KCNN2: variants seen among roughly 807,000 people sequenced by gnomAD.
KCNN2 encodes small conductance calcium-activated potassium channel protein 2.
In KCNN2, 24 loss-of-function variants were observed where a neutral mutation model predicts 55.5. The ratio of observed to expected loss-of-function variants is 0.43; its 90% confidence interval spans 0.31 to 0.61. The LOEUF (loss-of-function observed/expected upper bound fraction) is 0.61. Among genes scored for constraint, KCNN2 ranks in the 20% least tolerant of loss-of-function variants. The probability of loss-of-function intolerance (pLI) is 0.08; values close to 1 mark genes in which losing one functional copy is unlikely to be tolerated. For synonymous variants in KCNN2, 431 were observed against 336.1 expected (o/e 1.28, Z -3.09); for missense variants, 754 against 853.6 (o/e 0.88, Z 1.45).
At chr5:114,291,951 G>C (rs1755898655) in intron 2 of KCNN2, among the ~76,000 whole-genome samples, 1 of 152,138 alleles carries the variant, frequency 6.6e-6, no homozygotes, top group Non-Finnish European at 1.5e-5. Context: ...GTGATGATGA[G>C]CATTTTTTCA....
At chr5:114,353,766 C>T in intron 2 of KCNN2, among the ~76,000 whole-genome samples, 1 of 151,982 alleles carries the variant, frequency 6.6e-6, no homozygotes, top group South Asian at 2.1e-4. Flanking sequence ...TACCATCCCA[C>T]TGCCTTCTGG....
chr5:114,471,012 G>A (rs572823151), intron 4 of KCNN2, among the ~76,000 whole-genome samples: 1 of 152,158 alleles, frequency 6.6e-6, no homozygotes, highest in African/African-American at 2.4e-5. Context: ...TACACAATAG[G>A]GACAATGTTG....
chr5:114,299,279 T>C (rs1252050153), intron 2 of KCNN2, among the ~76,000 whole-genome samples: 1 of 152,118 alleles, frequency 6.6e-6, no homozygotes, highest in Non-Finnish European at 1.5e-5. Context: ...GGGAGCAACT[T>C]AGGTCCGATG....
chr5:114,287,478 C>G (rs1445367852), intron 2 of KCNN2, among the ~76,000 whole-genome samples: 3 of 152,024 alleles, frequency 2.0e-5, no homozygotes, highest in Non-Finnish European at 4.4e-5. Context: ...AACCGTCATC[C>G]TCAGCAAACT....
At position 114,362,493 on chromosome 5, in the gene KCNN2, G is replaced by T. The variant is rs942248561; in HGVS notation, c.354G>T (p.Ser118=). The change falls in exon 1 of 8, where the codon TCG becomes TCT. Residue 118 remains serine, a synonymous_variant. Transcript: ENST00000673685. ...SGSSCCCCCC[S]SRRGSQLNVS... is the part of the protein sequence containing the mutation. ...CGTCCTGCTGCTGCTGCTGCTGCTCGTCGCGCCGGGGCAGCCAGCTCAATG... is the reference window on the plus strand; with the variant it reads ...CGTCCTGCTGCTGCTGCTGCTGCTCTTCGCGCCGGGGCAGCCAGCTCAATG... The T allele has an allele frequency of 7.5e-5, 34 of 456,292 alleles. No individual in the cohort carries two copies. The highest frequency in any genetic ancestry group is 3.9e-4 in the Admixed American group (9 of 23,154). 28.3% of individuals were successfully genotyped at this position (456,292 alleles called of 1,614,324 possible).
intron 2 of KCNN2, among the ~76,000 whole-genome samples, chr5:114,284,864 G>A (rs903777655): frequency 1.3e-5 from 2 of 152,056 alleles, no homozygotes; most frequent in African/African-American, 4.8e-5. Flanking sequence ...CTGTACGGGT[G>A]AAATCTTCCT....
intron 1 of KCNN2, among the ~76,000 whole-genome samples, chr5:114,206,861 G>T (rs777475544): frequency 6.6e-5 from 10 of 151,790 alleles, no homozygotes; most frequent in Non-Finnish European, 8.8e-5. Context: ...AGTTGCACCT[G>T]TGTTACTTCT....
At chr5:114,442,172 CTA>C (rs1306282681) in intron 3 of KCNN2, among the ~76,000 whole-genome samples, 1 of 151,798 alleles carries the variant, frequency 6.6e-6, no homozygotes, top group South Asian at 2.1e-4. Flanking sequence ...AAACCACAAT[CTA>C]GAGAGATTTC....
chr5:114,155,716 A>G (rs55765121), intron 1 of KCNN2, among the ~76,000 whole-genome samples: 19,058 of 152,104 alleles, frequency 0.13, 1,686 homozygotes, highest in East Asian at 0.52. Context: ...TCCTTTGCCC[A>G]CTTTTTAATG....
At chr5:114,395,590 A>G (rs1363744362) in intron 2 of KCNN2, among the ~76,000 whole-genome samples, 1 of 152,234 alleles carries the variant, frequency 6.6e-6, no homozygotes, top group Non-Finnish European at 1.5e-5. Flanking sequence ...TTAAGATTAT[A>G]TGGACTGTAA....
chr5:114,473,109 C>G lies in KCNN2; in HGVS notation c.1835C>G (p.Thr612Ser). 1.2e-6 allele frequency: 2 copies of G among 1,612,580 alleles called. No individual in the cohort carries two copies. Among genetic ancestry groups the G allele is most frequent in the Non-Finnish European group, 1.7e-6 (2 of 1,179,284 alleles). The change falls in exon 5 of 8, where the codon ACC becomes AGC. Residue 612 changes from threonine (T) to serine (S), a missense_variant. By Grantham distance (58) the Thr-to-Ser change is moderately conservative. Around this residue, in one of 4 missense-constraint regions of KCNN2, gnomAD observed 86 missense variants for 233.0 expected, o/e 0.37. Transcript: ENST00000673685. ...VAVVARKLEL[T>S]KAEKHVHNFM... ...GTAGTGGCAAGGAAGCTAGAACTTA[C>G]CAAAGCAGAAAAACACGTGCACAAT...
In KCNN2 at chr5:114,060,427, G is replaced by A. The variant is rs1019957802; in HGVS notation, c.-271+3927G>A. ...GTGCCTGGCACAGTGCCTGACATAC[G>A]GTGTGTGAGCAGCAATTGTGAAAGG... On this transcript the variant is annotated intron_variant, in intron 1 of 10. Transcript: ENST00000512097. 3.9e-5 allele frequency among the ~76,000 whole-genome samples: 6 copies of A among 152,192 alleles called. 1 individual carries two copies. The South Asian group carries it at 6.2e-4, about 16-fold the overall frequency.
intron 3 of KCNN2, among the ~76,000 whole-genome samples, chr5:114,424,635 G>T (rs1046030662): frequency 1.1e-4 from 16 of 152,190 alleles, no homozygotes; most frequent in African/African-American, 3.9e-4. Context: ...GCCAGGCACT[G>T]GAAACAGGAA....
intron 6 of KCNN2, among the ~76,000 whole-genome samples, chr5:114,490,399 A>G (rs899870101): frequency 1.3e-5 from 2 of 152,198 alleles, no homozygotes; most frequent in East Asian, 1.9e-4. Flanking sequence ...TTGAACATCA[A>G]ATATCAAGAG....
intron 1 of KCNN2, among the ~76,000 whole-genome samples, chr5:114,093,072 A>G (rs919617723): frequency 6.6e-6 from 1 of 152,078 alleles, no homozygotes; most frequent in African/African-American, 2.4e-5. Flanking sequence ...CAGGATGCAG[A>G]TTTTCCAAGC....
At chr5:114,179,348 G>A (rs1235233810) in intron 1 of KCNN2, among the ~76,000 whole-genome samples, 1 of 152,140 alleles carries the variant, frequency 6.6e-6, no homozygotes, top group African/African-American at 2.4e-5. Context: ...TTCCACATGT[G>A]CTTCTCCGTA....
chr5:114,208,853 A>G (rs1753822833), intron 1 of KCNN2, among the ~76,000 whole-genome samples: 1 of 152,200 alleles, frequency 6.6e-6, no homozygotes, highest in Admixed American at 6.5e-5. Context: ...CAGGAGACTT[A>G]CATGACCTCT....
At chr5:114,070,138 A>G (rs2632144) in intron 1 of KCNN2, among the ~76,000 whole-genome samples, 11 of 152,220 alleles carry the variant, frequency 7.2e-5, no homozygotes, top group East Asian at 1.9e-4. Context: ...CTTTTCCCCT[A>G]TCTTGTCTTG....
intron 1 of KCNN2, among the ~76,000 whole-genome samples, chr5:114,087,027 A>T (rs1207528701): frequency 6.6e-6 from 1 of 152,006 alleles, no homozygotes; most frequent in Non-Finnish European, 1.5e-5. Context: ...CATTTCTCGG[A>T]TGCTTAGGGA....
Sources: allele counts gnomAD v4.1 joint callset (sites outside exome capture counted in the v4.1 genomes callset), GRCh38; gene constraint gnomAD v4.1.1; regional missense constraint gnomAD v4.1.1; transcripts MANE v1.5; gene names NCBI Gene and HGNC (gene_info 2026-07-23, HGNC 2026-07-21).